The following SLC35F3 variants were observed in gnomAD, a reference collection of about 807,000 sequenced individuals.
The protein encoded by SLC35F3 is putative thiamine transporter SLC35F3.
A neutral mutation model predicts 49.9 loss-of-function variants in SLC35F3; 25 were observed. The ratio of observed to expected loss-of-function variants is 0.50; its 90% CI spans 0.37 to 0.70. The LOEUF is 0.70. SLC35F3 is among the 30% of genes least tolerant of loss of function. SLC35F3 has a pLI of 0.00. For missense variants in SLC35F3, 525 were observed against 639.8 expected, an observed-to-expected ratio of 0.82 and a Z score of 1.94; for synonymous variants, 275 against 265.4, an observed-to-expected ratio of 1.04 and a Z score of -0.35.
chr1:234,161,938 G>T (rs1447856552), intron 2 of SLC35F3, among the ~76,000 whole-genome samples: 1 of 151,970 alleles, frequency 6.6e-6, no homozygotes, highest in Non-Finnish European at 1.5e-5. Flanking sequence ...CCCATTTATG[G>T]CCTCAAAGAG....
chr1:234,086,733 A>G (rs191661866), intron 2 of SLC35F3, among the ~76,000 whole-genome samples: 53 of 152,326 alleles, frequency 3.5e-4, no homozygotes, highest in Admixed American at 2.8e-3. Context: ...TTGTTGCTAG[A>G]AAATCTCCTC....
chr1:234,140,002 A>AATAAATAAT, intron 2 of SLC35F3, among the ~76,000 whole-genome samples: 1 of 105,368 alleles, frequency 9.5e-6, no homozygotes, highest in Non-Finnish European at 2.4e-5. Flanking sequence ...AATAAAATAA[A>AATAAATAAT]GTAAGTGACT....
intron 3 of SLC35F3, among the ~76,000 whole-genome samples, chr1:234,236,315 C>T (rs1667466680): frequency 1.3e-5 from 2 of 151,988 alleles, no homozygotes; most frequent in African/African-American, 4.8e-5. Flanking sequence ...GATGGTGCAC[C>T]TGTAGTCCCA....
intron 2 of SLC35F3, among the ~76,000 whole-genome samples, chr1:233,988,078 GTTCA>G (rs1264106338): frequency 2.0e-5 from 3 of 151,974 alleles, no homozygotes; most frequent in Non-Finnish European, 4.4e-5. Flanking sequence ...GATTTTTACT[GTTCA>G]TTCATTTTTA....
At chr1:234,272,249 T>C (rs916592091) in intron 3 of SLC35F3, 1 of 152,040 alleles carries the variant, frequency 6.6e-6, no homozygotes, top group Non-Finnish European at 1.5e-5. Flanking sequence ...CTTTCCAGGG[T>C]ATGGAAAGTA....
intron 2 of SLC35F3, among the ~76,000 whole-genome samples, chr1:233,917,659 A>G (rs957408589): frequency 6.6e-6 from 1 of 152,214 alleles, no homozygotes; most frequent in East Asian, 1.9e-4. Flanking sequence ...TCCCAGCTCT[A>G]CCTTTTCTCT....
At chr1:234,275,385 G>A (rs1475548232) in intron 3 of SLC35F3, among the ~76,000 whole-genome samples, 1 of 151,708 alleles carries the variant, frequency 6.6e-6, no homozygotes, top group African/African-American at 2.4e-5. Context: ...AAGCATTTTG[G>A]ATAAGGAATA....
intron 2 of SLC35F3, among the ~76,000 whole-genome samples, chr1:234,111,161 ATTAT>A (rs1273553077): frequency 1.3e-5 from 2 of 152,182 alleles, no homozygotes; most frequent in South Asian, 2.1e-4. Flanking sequence ...TTAATTTTTA[ATTAT>A]TTAATTAAAA....
chr1:234,251,901 A>T (rs661298), intron 3 of SLC35F3, among the ~76,000 whole-genome samples: 119,464 of 151,752 alleles, frequency 0.79, 47,601 homozygotes, highest in African/African-American at 0.92. Context: ...TAGAAAAAAA[A>T]TAATTTGATC....
At chr1:234,050,605 G>A (rs1397967158) in intron 2 of SLC35F3, among the ~76,000 whole-genome samples, 2 of 152,126 alleles carry the variant, frequency 1.3e-5, no homozygotes, top group Non-Finnish European at 2.9e-5. Context: ...CACTCTGATG[G>A]TAGTTTCTTT....
chr1:234,258,553 A>T (rs958551532), intron 3 of SLC35F3, among the ~76,000 whole-genome samples: 10 of 152,248 alleles, frequency 6.6e-5, no homozygotes, highest in East Asian at 1.9e-4. Flanking sequence ...ACCTTTCATT[A>T]GTTTTACAAA....
chr1:233,906,658 ATTT>A (rs1442633892), intron 2 of SLC35F3, among the ~76,000 whole-genome samples: 2 of 152,112 alleles, frequency 1.3e-5, no homozygotes, highest in Admixed American at 1.3e-4. Flanking sequence ...TAGCTTGTTG[ATTT>A]TGAGTTTTTT....
chr1:233,969,474 T>G (rs1163583965), intron 2 of SLC35F3, among the ~76,000 whole-genome samples: 1 of 152,224 alleles, frequency 6.6e-6, no homozygotes, highest in Non-Finnish European at 1.5e-5. Context: ...CGTTCCTGCC[T>G]TAGTGTGGCC....
rs560269816 is a variant in SLC35F3 at position 234,037,365 on chromosome 1, C to T, written c.283+131607C>T. Among the ~76,000 whole-genome samples the T allele has an allele frequency of 2.6e-5, 4 of 152,310 alleles. No individual in the cohort carries two copies. The East Asian group carries it at 5.8e-4, about 22-fold the overall frequency. On this transcript the variant is annotated intron_variant, in intron 2 of 7. Coordinates refer to ENST00000366618, the MANE Select transcript of SLC35F3 (RefSeq NM_173508.4). ...TCACTGTCCCGAGAATGGCACAAAG[C>T]TATTCATGAGGGATCTGCCCCCATG...
chr1:234,221,009 C>T (rs1667196305), intron 2 of SLC35F3, among the ~76,000 whole-genome samples: 1 of 151,982 alleles, frequency 6.6e-6, no homozygotes, highest in East Asian at 1.9e-4. Context: ...ACATTTAGGA[C>T]ATAAGGGAGG....
chr1:233,994,582 G>A (rs1663428441), intron 2 of SLC35F3, among the ~76,000 whole-genome samples: 1 of 152,156 alleles, frequency 6.6e-6, no homozygotes, highest in African/African-American at 2.4e-5. Context: ...TTCATTGGAA[G>A]AGCCTGCTCA....
chr1:233,999,147 C>T lies in SLC35F3; in HGVS notation c.283+93389C>T, dbSNP rs181582620. On this transcript the variant is annotated intron_variant, in intron 2 of 7. Coordinates refer to ENST00000366618, the MANE Select transcript of SLC35F3 (RefSeq NM_173508.4). ...GAAGACAAGACAGGACAGATGCAAC[C>T]CAGGGTATCCCCTTTGTCTAAGCTG... Among the ~76,000 whole-genome samples the T allele has an allele frequency of 3.8e-4, 58 of 152,300 alleles. 1 individual carries two copies. The South Asian group carries it at 3.9e-3, about 10-fold the overall frequency.
chr1:234,322,251 C>A (rs749879164), intron 7 of SLC35F3, among the ~76,000 whole-genome samples: 1 of 151,468 alleles, frequency 6.6e-6, no homozygotes, highest in Non-Finnish European at 1.5e-5. Flanking sequence ...GGGGCACAAA[C>A]CCCTGAATAG....
chr1:234,270,837 G>A (rs1200394060), intron 3 of SLC35F3, among the ~76,000 whole-genome samples: 2 of 152,222 alleles, frequency 1.3e-5, no homozygotes, highest in Non-Finnish European at 2.9e-5. Context: ...CAAGGTGGGA[G>A]GCAGGTGTTG....
Sources: allele counts gnomAD v4.1 joint callset (sites outside exome capture counted in the v4.1 genomes callset), GRCh38; gene constraint gnomAD v4.1.1; transcripts MANE v1.5; gene names NCBI Gene and HGNC (gene_info 2026-07-23, HGNC 2026-07-21).